The following REM1 variants were observed in gnomAD, a reference collection of about 807,000 sequenced individuals.
REM1 encodes GTP-binding protein REM 1.
A neutral mutation model predicts 27.0 loss-of-function variants in REM1; 20 were observed. The ratio of observed to expected loss-of-function variants is 0.74; its 90% CI spans 0.52 to 1.08. The LOEUF (loss-of-function observed/expected upper bound fraction) is 1.08, where lower values mean the gene tolerates loss of function less well. Ranked by LOEUF, REM1 falls within the 50% of genes least tolerant of loss-of-function variation. The pLI is 0.00. For missense variants in REM1, 405 were observed against 407.0 expected (o/e 1.00, Z 0.04); for synonymous variants, 159 against 167.9 (o/e 0.95, Z 0.41).
rs1226306661 is a variant in REM1 at position 31,484,838 on chromosome 20, A to T, written c.*408A>T. ...CCCTCCCATCTACACTTGACTGTAG[A>T]CTGGTCTGGCCTGCTGGCCTGGGCG... On this transcript the variant is annotated 3_prime_UTR_variant, in exon 5 of 5. Coordinates refer to ENST00000201979, the MANE Select transcript of REM1 (RefSeq NM_014012.6). 5.3e-6 allele frequency: 1 copy of T among 190,384 alleles called. No individual in the cohort carries two copies. Among genetic ancestry groups the T allele is most frequent in the Non-Finnish European group, 1.1e-5 (1 of 93,486 alleles). 11.8% of individuals were successfully genotyped at this position (190,384 alleles called of 1,614,324 possible). A position where few individuals can be genotyped will look rare whatever the true frequency, so the allele number is the denominator to read the frequency against.
chr20:31,476,367 C>A lies in REM1; in HGVS notation c.-79C>A. 1 of 1,186,008 alleles carries A rather than the reference C, an allele frequency of 8.4e-7. No homozygotes were observed. The highest frequency in any genetic ancestry group is 1.2e-6 in the Non-Finnish European group (1 of 830,226). The allele number at this position is 1,186,008 out of a possible 1,614,324, so 73.5% of individuals were successfully genotyped here. The stretch of plus-strand genomic sequence containing the variant: ...ATCAGGACACTATAGAAAGAAGCAG[C>A]TCAAAGCAATTGGCTGACAGCCAAT... On this transcript the variant is annotated 5_prime_UTR_variant, in exon 2 of 5. Transcript: ENST00000201979.
Position 31,477,863 on chromosome 20 carries a change from G to A in REM1, c.376G>A (p.Glu126Lys). The A allele has an allele frequency of 1.2e-6, 2 of 1,613,200 alleles. No individual in the cohort carries two copies. The highest frequency in any genetic ancestry group is 1.7e-6 in the Non-Finnish European group (2 of 1,179,760). ...TGAGAGGACCCTCACGGTGGATGGA[G>A]AAGACACCACACTGGTGGTCGTGGA... The part of the protein sequence containing the change: ...VYERTLTVDG[E>K]DTTLVVVDTW... The change falls in exon 3 of 5, where the codon GAA becomes AAA. Residue 126 changes from glutamate (E) to lysine (K), a missense_variant. Coordinates refer to ENST00000201979, the MANE Select transcript of REM1 (RefSeq NM_014012.6).
chr20:31,479,671 C>T (rs896230088), intron 3 of REM1, among the ~76,000 whole-genome samples: 2 of 152,138 alleles, frequency 1.3e-5, no homozygotes, highest in Non-Finnish European at 2.9e-5. Flanking sequence ...AGTATCCATC[C>T]GTTCCGTCTG....
intron 4 of REM1, 113 bp downstream of exon 4, chr20:31,482,601 C>T: frequency 2.8e-6 from 3 of 1,056,016 alleles, no homozygotes; most frequent in Non-Finnish European, 4.2e-6. Context: ...TACCCTGCAG[C>T]CACTTGCCTA....
rs185269336 is a variant in REM1, at chr20:31,476,570, A to G, written c.125A>G (p.Gln42Arg). The G allele has an allele frequency of 1.2e-6, 2 of 1,614,014 alleles. No homozygotes were observed. The highest frequency in any genetic ancestry group is 1.7e-6 in the Non-Finnish European group (2 of 1,179,976). The stretch of plus-strand genomic sequence containing the variant: ...AGCACAGTGCCTTCCACTCAATCCC[A>G]GCATCCCCGGCTGGGCCAATCAGCC... ...RLSTVPSTQS[Q>R]HPRLGQSASL... is the part of the protein sequence containing the mutation. The change falls in exon 2 of 5, where the codon CAG (glutamine) becomes CGG (arginine). Residue 42 changes from glutamine (Q) to arginine (R), a missense_variant. Gln to Arg is a conservative substitution (Grantham distance 43). Coordinates refer to ENST00000201979, the MANE Select transcript of REM1 (RefSeq NM_014012.6).
rs200881175 is a variant in REM1, at chr20:31,482,394, C to G, written c.531C>G (p.Ile177Met). The change falls in exon 4 of 5, where the codon ATC becomes ATG. Residue 177 changes from isoleucine (I) to methionine (M), a missense_variant. Physicochemically the swap from Ile to Met is conservative, Grantham distance 10 (BLOSUM62 1). Transcript: ENST00000201979. ...GSFESASELR[I>M]QLRRTHQADH... is the part of the protein sequence containing the mutation. ...TTGAGAGTGCCTCTGAGCTCCGCAT[C>G]CAGCTGCGGCGCACACATCAGGCAG... 2.9e-4 allele frequency: 463 copies of G among 1,614,058 alleles called. 2 individuals are homozygous for G. The highest frequency in any genetic ancestry group is 1.6e-4 in the Middle Eastern group (1 of 6,084).
chr20:31,482,211 G>A, intron 3 of REM1, 76 bp from the exon 4 acceptor site: 1 of 1,410,326 alleles, frequency 7.1e-7, no homozygotes, highest in East Asian at 2.3e-5. Flanking sequence ...CCACCCATTA[G>A]ACCATCCCAG....
intron 2 of REM1, 63 bp from the exon 3 acceptor site, chr20:31,477,765 G>A: frequency 7.9e-7 from 1 of 1,263,034 alleles, no homozygotes; most frequent in Non-Finnish European, 1.1e-6. Flanking sequence ...GGGGGGCAGG[G>A]AACACCACAC....
chr20:31,481,398 G>GCCTCCC (rs1346748111), intron 3 of REM1, among the ~76,000 whole-genome samples: 4 of 151,820 alleles, frequency 2.6e-5, no homozygotes, highest in Non-Finnish European at 5.9e-5. Context: ...CTCCTGCTTG[G>GCCTCCC]CCTCCCCCTC....
chr20:31,484,066 T>C, intron 4 of REM1, 93 bp from the exon 5 acceptor site: 1 of 1,368,078 alleles, frequency 7.3e-7, no homozygotes. Flanking sequence ...CAGGAAAAAT[T>C]GCTTCCAATC....
intron 3 of REM1, among the ~76,000 whole-genome samples, chr20:31,480,145 C>T (rs1188054744): frequency 6.6e-6 from 1 of 151,920 alleles, no homozygotes. Context: ...CACCCTGGCC[C>T]TCACCCTCAG....
Position 31,484,328 on chromosome 20 carries a change from C to A in REM1, c.795C>A (p.Ala265=). The change falls in exon 5 of 5, where the codon GCC becomes GCA. Residue 265 remains alanine (A), a synonymous_variant. Transcript: ENST00000201979. ...PPAPRRPASL[A]QRARRFLARL... ...CACCCCGACGGCCGGCCAGCCTAGC[C>A]CAGCGCGCTCGTCGCTTCCTGGCAC... is the stretch of plus-strand genomic sequence containing the variant. 6.4e-7 allele frequency: 1 copy of A among 1,569,274 alleles called. No homozygotes were observed. Among genetic ancestry groups the A allele is most frequent in the Non-Finnish European group, 8.6e-7 (1 of 1,158,146 alleles).
intron 2 of REM1, among the ~76,000 whole-genome samples, chr20:31,477,463 G>A (rs928601078): frequency 2.6e-5 from 4 of 152,124 alleles, no homozygotes; most frequent in Admixed American, 6.5e-5. Flanking sequence ...TTCTCTCTCC[G>A]AGTGAGAACA....
intron 4 of REM1, among the ~76,000 whole-genome samples, chr20:31,482,895 G>T (rs917639936): frequency 1.3e-5 from 2 of 152,180 alleles, no homozygotes; most frequent in African/African-American, 4.8e-5. Context: ...CACTTTGGGA[G>T]GCCAAGGTGG....
rs1200295413 is a variant in REM1 at position 31,482,305 on chromosome 20, G to A, written c.442G>A (p.Glu148Lys). The change falls in exon 4 of 5, where the codon GAG (glutamate) becomes AAG (lysine). Residue 148 changes from glutamate (E) to lysine (K), a missense_variant. Physicochemically the swap from Glu to Lys is moderately conservative, Grantham distance 56. Transcript: ENST00000201979. Reference sequence around the variant, plus strand: ...CCTGCAGGATAAAAGCTGGAGCCAGGAGTCATGCCTGCAGGGGGGCAGTGC... The same window carrying A: ...CCTGCAGGATAAAAGCTGGAGCCAGAAGTCATGCCTGCAGGGGGGCAGTGC... ...AEKLDKSWSQESCLQGGSAYV... is the reference protein window; with the variant it reads ...AEKLDKSWSQKSCLQGGSAYV... 1 of 1,614,030 alleles carries A rather than the reference G, an allele frequency of 6.2e-7. No individual in the cohort carries two copies. The highest frequency in any genetic ancestry group is 8.5e-7 in the Non-Finnish European group (1 of 1,180,040).
Position 31,484,416 on chromosome 20 carries a change from C to G in REM1, c.883C>G (p.Leu295Val). The change falls in exon 5 of 5, where the codon CTG (leucine) becomes GTG (valine). Residue 295 changes from leucine to valine, a missense_variant. Coordinates refer to ENST00000201979, the MANE Select transcript of REM1 (RefSeq NM_014012.6). ...LKARSKSCHN[L>V]AVL ...GGCCCGCTCCAAGTCCTGCCACAAT[C>G]TGGCCGTGCTCTGAAGCCCCCCGCC... is the stretch of plus-strand genomic sequence containing the variant. The G allele has an allele frequency of 6.6e-7, 1 of 1,524,614 alleles. No individual in the cohort carries two copies. Among genetic ancestry groups the G allele is most frequent in the Admixed American group, 2.1e-5 (1 of 47,692 alleles). 94.4% of individuals were successfully genotyped at this position (1,524,614 alleles called of 1,614,324 possible).
rs1004200559 is a variant in REM1, at chr20:31,484,403, G to C, written c.870G>C (p.Lys290Asn). The change falls in exon 5 of 5, where the codon AAG (lysine) becomes AAC (asparagine). Residue 290 changes from lysine to asparagine, a missense_variant. Transcript: ENST00000201979. ...GCCGGGCACTCAAGGCCCGCTCCAA[G>C]TCCTGCCACAATCTGGCCGTGCTCT... ...ARRRALKARS[K>N]SCHNLAVL is the part of the protein sequence containing the mutation. 2 of 1,537,510 alleles carry C rather than the reference G, an allele frequency of 1.3e-6. No homozygotes were observed. The highest frequency in any genetic ancestry group is 2.1e-5 in the Admixed American group (1 of 48,748).
At chr20:31,480,723 A>C (rs565971753) in intron 3 of REM1, among the ~76,000 whole-genome samples, 11 of 152,296 alleles carry the variant, frequency 7.2e-5, no homozygotes, top group African/African-American at 2.6e-4. Context: ...TCCTCCAAAA[A>C]TATTTGTGCA....
chr20:31,481,880 C>G (rs1980745427), intron 3 of REM1, among the ~76,000 whole-genome samples: 1 of 152,150 alleles, frequency 6.6e-6, no homozygotes, highest in South Asian at 2.1e-4. Flanking sequence ...TCTCTTTTTT[C>G]TCTTCATTCT....
Sources: gnomAD v4.1 joint callset for allele counts (sites outside exome capture counted in the v4.1 genomes callset) on GRCh38, gnomAD v4.1.1 for gene constraint, MANE v1.5 for transcripts, NCBI Gene and HGNC (gene_info 2026-07-23, HGNC 2026-07-21) for gene names.